The following METTL15 variants were observed in gnomAD, a reference collection of about 807,000 sequenced individuals.
METTL15 encodes the protein 12S rRNA N(4)-cytidine methyltransferase METTL15.
In METTL15, 34 loss-of-function variants were observed where a neutral mutation model predicts 38.3. That is an observed-to-expected ratio of 0.89 (90% confidence interval 0.68 to 1.18). METTL15 has a LOEUF of 1.18. METTL15 is among the 50% of genes most tolerant of loss of function. METTL15 has a pLI of 0.00. For missense variants in METTL15, 438 were observed against 498.4 expected (o/e 0.88, Z 1.15); for synonymous variants, 162 against 170.9 (o/e 0.95, Z 0.41).
chr11:28,468,744 A>G (rs1272382646), intron 6 of METTL15, among the ~76,000 whole-genome samples: 1 of 152,144 alleles, frequency 6.6e-6, no homozygotes, highest in East Asian at 1.9e-4. Flanking sequence ...GCATTCATAC[A>G]GGCCATGGTC....
At chr11:28,355,345 A>T (rs572488372) in intron 4 of METTL15, among the ~76,000 whole-genome samples, 1 of 152,290 alleles carries the variant, frequency 6.6e-6, no homozygotes, top group East Asian at 1.9e-4. Context: ...TGGGGGAAAA[A>T]TTTTATTTAA....
chr11:28,181,925 T>G (rs548691459), intron 3 of METTL15, among the ~76,000 whole-genome samples: 1 of 152,264 alleles, frequency 6.6e-6, no homozygotes, highest in Admixed American at 6.5e-5. Context: ...ATCTGTTGTT[T>G]CCTGACTTTT....
At chr11:28,117,022 T>C (rs991827973) in intron 3 of METTL15, among the ~76,000 whole-genome samples, 1 of 152,048 alleles carries the variant, frequency 6.6e-6, no homozygotes, top group African/African-American at 2.4e-5. Flanking sequence ...TACATGAAAA[T>C]GTAAATTAAA....
At chr11:28,497,107 G>C (rs1014608542) in intron 6 of METTL15, among the ~76,000 whole-genome samples, 34 of 152,206 alleles carry the variant, frequency 2.2e-4, no homozygotes, top group African/African-American at 8.2e-4. Context: ...GGAATAGTTA[G>C]CAGGCACTAT....
At chr11:28,211,263 C>T in intron 4 of METTL15, 65 bp downstream of exon 4, 7 of 1,478,638 alleles carry the variant, frequency 4.7e-6, no homozygotes, top group Admixed American at 2.2e-5. Context: ...TGGTTTACCA[C>T]CTTGGAATTT....
chr11:28,501,548 C>T (rs1403671535), intron 6 of METTL15, among the ~76,000 whole-genome samples: 1 of 152,096 alleles, frequency 6.6e-6, no homozygotes, highest in Non-Finnish European at 1.5e-5. Flanking sequence ...TTGATGACTG[C>T]AAGGAGGTTA....
chr11:28,481,122 G>A (rs558261119), intron 6 of METTL15, among the ~76,000 whole-genome samples: 1 of 152,296 alleles, frequency 6.6e-6, no homozygotes, highest in East Asian at 1.9e-4. Flanking sequence ...TAGTTCTGGG[G>A]AGGAAGTATC....
At chr11:28,487,148 G>A (rs547404218) in intron 6 of METTL15, among the ~76,000 whole-genome samples, 1 of 152,060 alleles carries the variant, frequency 6.6e-6, no homozygotes, top group Non-Finnish European at 1.5e-5. Flanking sequence ...TTGGCATCAT[G>A]TTTCAAAAAT....
At chr11:28,406,505 T>C (rs1590363713) in intron 5 of METTL15, among the ~76,000 whole-genome samples, 1 of 152,124 alleles carries the variant, frequency 6.6e-6, no homozygotes, top group Admixed American at 6.6e-5. Flanking sequence ...TAATCCAGTA[T>C]ACATATGTAA....
At chr11:28,242,623 T>C (rs530830089) in intron 4 of METTL15, among the ~76,000 whole-genome samples, 7 of 152,342 alleles carry the variant, frequency 4.6e-5, no homozygotes, top group Admixed American at 4.6e-4. Context: ...CTTTGTTTTA[T>C]GGACACAACT....
chr11:28,229,148 A>G (rs892381597), intron 4 of METTL15, among the ~76,000 whole-genome samples: 17 of 152,084 alleles, frequency 1.1e-4, no homozygotes, highest in Non-Finnish European at 1.5e-4. Context: ...TGTTTAATAA[A>G]TGTTAGTTAT....
intron 5 of METTL15, among the ~76,000 whole-genome samples, chr11:28,378,822 A>G (rs899007290): frequency 1.7e-5 from 2 of 118,932 alleles, no homozygotes; most frequent in Non-Finnish European, 3.4e-5. Context: ...TTAAATATTT[A>G]GTAGAATTCA....
At chr11:28,337,026 A>G (rs7932016), downstream of METTL15, among the ~76,000 whole-genome samples, 151,628 of 152,206 alleles carry the variant, frequency 1, 75,532 homozygotes, top group Middle Eastern at 1. Context: ...CCCTATGTAC[A>G]TCTAGGCTAA....
At chr11:28,310,995 TGTGTGTGTGAGAGA>T (rs1857280351) in intron 6 of METTL15, among the ~76,000 whole-genome samples, 2 of 146,282 alleles carry the variant, frequency 1.4e-5, no homozygotes, top group African/African-American at 5.2e-5. Flanking sequence ...TGTGTGTGTG[TGTGTGTGTGAGAGA>T]GAGAGAGAGA....
chr11:28,217,949 T>G (rs1448839336), intron 4 of METTL15, among the ~76,000 whole-genome samples: 2 of 152,192 alleles, frequency 1.3e-5, no homozygotes, highest in African/African-American at 4.8e-5. Context: ...CCATGCTGTT[T>G]TGGTTACTGT....
At chr11:28,493,880 T>A (rs1851516299) in intron 6 of METTL15, among the ~76,000 whole-genome samples, 1 of 152,214 alleles carries the variant, frequency 6.6e-6, no homozygotes, top group South Asian at 2.1e-4. Flanking sequence ...TTAAAATAAA[T>A]GACTGCTTTT....
intron 5 of METTL15, among the ~76,000 whole-genome samples, chr11:28,410,401 A>G (rs995290333): frequency 3.9e-5 from 6 of 152,148 alleles, no homozygotes; most frequent in Non-Finnish European, 7.4e-5. Context: ...GAATTCAACA[A>G]CACATCAAAG....
chr11:28,112,445 A>G (rs1851759994), intron 2 of METTL15, among the ~76,000 whole-genome samples: 1 of 152,246 alleles, frequency 6.6e-6, no homozygotes, highest in African/African-American at 2.4e-5. Flanking sequence ...CTGTGGTAGT[A>G]TCAAAAACTT....
intron 4 of METTL15, among the ~76,000 whole-genome samples, chr11:28,256,766 T>C (rs188156738): frequency 6.6e-6 from 1 of 152,224 alleles, no homozygotes; most frequent in East Asian, 1.9e-4. Context: ...TGTCCATGCT[T>C]TTCTAGTTCT....
Sources: gnomAD v4.1 joint callset for allele counts (sites outside exome capture counted in the v4.1 genomes callset) on GRCh38, gnomAD v4.1.1 for gene constraint, MANE v1.5 for transcripts, NCBI Gene and HGNC (gene_info 2026-07-23, HGNC 2026-07-21) for gene names.